PHF21B: variants seen among roughly 807,000 people sequenced by gnomAD.
PHF21B encodes PHD finger protein 4.
A neutral mutation model predicts 62.2 loss-of-function variants in PHF21B; 22 were observed. The observed-to-expected ratio is 0.35, with a 90% CI of 0.25 to 0.51. The LOEUF (loss-of-function observed/expected upper bound fraction) is 0.51. PHF21B is among the 20% of genes least tolerant of loss of function. The pLI is 0.97. For synonymous variants in PHF21B, 341 were observed against 314.7 expected, an observed-to-expected ratio of 1.08 and a Z score of -0.88; for missense variants, 701 against 707.9, an observed-to-expected ratio of 0.99 and a Z score of 0.11.
At chr22:44,905,186 G>A (rs2071226759) in intron 5 of PHF21B, among the ~76,000 whole-genome samples, 1 of 152,204 alleles carries the variant, frequency 6.6e-6, no homozygotes, top group Admixed American at 6.5e-5. Flanking sequence ...CCCATGAGGT[G>A]AAAGCGAGGT....
chr22:44,958,005 C>A (rs534877720), intron 2 of PHF21B, among the ~76,000 whole-genome samples: 1 of 151,920 alleles, frequency 6.6e-6, no homozygotes, highest in South Asian at 2.1e-4. Context: ...CAGGTTCAAG[C>A]GATTCTCCTG....
At chr22:44,916,046 C>T (rs1486624574) in intron 4 of PHF21B, among the ~76,000 whole-genome samples, 1 of 152,202 alleles carries the variant, frequency 6.6e-6, no homozygotes, top group Non-Finnish European at 1.5e-5. Context: ...CTCTGGATCG[C>T]ATATTCATTC....
intron 2 of PHF21B, among the ~76,000 whole-genome samples, chr22:44,941,518 A>G (rs1024732174): frequency 1.3e-5 from 2 of 152,174 alleles, no homozygotes; most frequent in Admixed American, 6.5e-5. Flanking sequence ...GTGGGTCACA[A>G]AGACCTGAAA....
chr22:44,920,696 AC>A (rs2053065420), intron 2 of PHF21B, among the ~76,000 whole-genome samples: 1 of 152,276 alleles, frequency 6.6e-6, no homozygotes, highest in Non-Finnish European at 1.5e-5. Context: ...AAAGAGCAGC[AC>A]TGCCCAGAAA....
At chr22:44,990,747 T>C (rs1907902054) in intron 2 of PHF21B, among the ~76,000 whole-genome samples, 1 of 152,210 alleles carries the variant, frequency 6.6e-6, no homozygotes, top group Non-Finnish European at 1.5e-5. Flanking sequence ...TGGAGATGGA[T>C]GGTGGTGACG....
At chr22:44,993,153 T>C (rs2073068045) in intron 2 of PHF21B, among the ~76,000 whole-genome samples, 1 of 152,132 alleles carries the variant, frequency 6.6e-6, no homozygotes. Flanking sequence ...GGCCAGCATC[T>C]CACTGGGATT....
intron 2 of PHF21B, among the ~76,000 whole-genome samples, chr22:44,974,409 T>TAA (rs77760918): frequency 3.4e-4 from 46 of 135,156 alleles, no homozygotes; most frequent in African/African-American, 9.0e-4. Flanking sequence ...GACCCTGTCT[T>TAA]AAAAAAAAAA....
intron 8 of PHF21B, 120 bp from the exon 9 acceptor site, chr22:44,889,902 T>A: frequency 1.9e-6 from 2 of 1,073,788 alleles, no homozygotes; most frequent in Non-Finnish European, 2.6e-6. Flanking sequence ...GATGGGAGCA[T>A]CATAAGGCCC....
At chr22:44,917,713 C>G (rs550324185) in intron 3 of PHF21B, among the ~76,000 whole-genome samples, 1 of 152,334 alleles carries the variant, frequency 6.6e-6, no homozygotes, top group East Asian at 1.9e-4. Context: ...GTGAAGGGCA[C>G]AGAGCGCTGT....
intron 2 of PHF21B, chr22:45,002,067 A>G (rs1020673069): frequency 2.6e-5 from 4 of 152,246 alleles, no homozygotes; most frequent in African/African-American, 9.6e-5. Context: ...CACCTTCCTT[A>G]GTAAAATTTA....
chr22:44,920,607 C>T (rs530212944), intron 2 of PHF21B, 117 bp from the exon 3 acceptor site: 17 of 527,942 alleles, frequency 3.2e-5, no homozygotes, highest in African/African-American at 2.6e-4. Context: ...TCTACTCTTC[C>T]CTTTCTTAAT....
At chr22:45,007,836 G>A (rs1317469408) in intron 2 of PHF21B, among the ~76,000 whole-genome samples, 10 of 151,510 alleles carry the variant, frequency 6.6e-5, no homozygotes, top group Non-Finnish European at 1.5e-5. Flanking sequence ...TGTTCGTGGT[G>A]CTGAAACCCC....
At chr22:45,005,828 C>A (rs973673756) in intron 2 of PHF21B, among the ~76,000 whole-genome samples, 1 of 152,176 alleles carries the variant, frequency 6.6e-6, no homozygotes, top group Non-Finnish European at 1.5e-5. Flanking sequence ...TAAAAGAATT[C>A]TACCTTTAAT....
intron 12 of PHF21B, among the ~76,000 whole-genome samples, chr22:44,884,730 A>C (rs995442575): frequency 4.1e-4 from 53 of 129,604 alleles, no homozygotes; most frequent in African/African-American, 1.2e-3. Flanking sequence ...CACCATCACC[A>C]CCACCATCAC....
At chr22:44,963,572 G>T (rs1315534716) in intron 2 of PHF21B, among the ~76,000 whole-genome samples, 2 of 152,206 alleles carry the variant, frequency 1.3e-5, no homozygotes, top group Non-Finnish European at 2.9e-5. Flanking sequence ...GACGAAAGAA[G>T]AGAACGGATA....
At chr22:44,942,218 C>A (rs1254910966) in intron 2 of PHF21B, among the ~76,000 whole-genome samples, 1 of 152,202 alleles carries the variant, frequency 6.6e-6, no homozygotes, top group Non-Finnish European at 1.5e-5. Flanking sequence ...CCTGCAACAT[C>A]TCATACTTGG....
At chr22:44,915,658 G>T (rs1210750722) in intron 4 of PHF21B, among the ~76,000 whole-genome samples, 1 of 152,208 alleles carries the variant, frequency 6.6e-6, no homozygotes. Context: ...AGGTACCCCA[G>T]CCATAAGCAA....
intron 2 of PHF21B, among the ~76,000 whole-genome samples, chr22:44,986,189 C>G (rs1003386765): frequency 1.3e-5 from 2 of 151,514 alleles, no homozygotes; most frequent in East Asian, 1.9e-4. Context: ...CCATCACCAG[C>G]AGCATCACCG....
rs576205003 is a variant in PHF21B at position 44,900,774 on chromosome 22, A to AAAGTGAC, written c.832-4698_832-4692dup. 1.2e-3 allele frequency among the ~76,000 whole-genome samples: 172 copies of AAAGTGAC among 144,590 alleles called. 1 individual carries two copies. The highest frequency in any genetic ancestry group is 2.1e-3 in the Non-Finnish European group (139 of 67,248). 94.9% of individuals were successfully genotyped at this position (144,590 alleles called of 152,430 possible). A position where few individuals can be genotyped will look rare whatever the true frequency, so the allele number is the denominator to read the frequency against. ...ACACCAGCTTAACTGCTTTCCCTCTAAAGTGACTCTTTTTTTTTTTTTTTT... is the reference window on the plus strand; with the variant it reads ...ACACCAGCTTAACTGCTTTCCCTCTAAAGTGACAAGTGACTCTTTTTTTTTTTTTTTT... On this transcript the variant is annotated intron_variant, in intron 5 of 12. Coordinates refer to ENST00000313237, the MANE Select transcript of PHF21B (RefSeq NM_138415.5).
Sources: gnomAD v4.1 joint callset for allele counts (sites outside exome capture counted in the v4.1 genomes callset) on GRCh38, gnomAD v4.1.1 for gene constraint, MANE v1.5 for transcripts, NCBI Gene and HGNC (gene_info 2026-07-23, HGNC 2026-07-21) for gene names.